Variants in CHRM2 observed in about 807,000 individuals in gnomAD.
The protein encoded by CHRM2 is muscarinic acetylcholine receptor M2.
In CHRM2, 8 loss-of-function variants were observed where a neutral mutation model predicts 25.0. The observed-to-expected ratio is 0.32, with a 90% confidence interval of 0.19 to 0.58. The LOEUF (loss-of-function observed/expected upper bound fraction) is 0.58, where lower values mean the gene tolerates loss of function less well. Among genes scored for constraint, CHRM2 ranks in the 20% least tolerant of loss-of-function variants. CHRM2 has a pLI of 0.88. For synonymous variants in CHRM2, 202 were observed against 205.7 expected, an observed-to-expected ratio of 0.98 and a Z score of 0.15; for missense variants, 440 against 567.1, an observed-to-expected ratio of 0.78 and a Z score of 2.28.
At chr7:136,967,122 A>C (rs993684305) in intron 2 of CHRM2, among the ~76,000 whole-genome samples, 1 of 152,024 alleles carries the variant, frequency 6.6e-6, no homozygotes, top group African/African-American at 2.4e-5. Context: ...TGGATCTTGT[A>C]CATTTTGATT....
chr7:136,950,902 G>C (rs527482434), intron 2 of CHRM2: 121 of 152,426 alleles, frequency 7.9e-4, no homozygotes, highest in African/African-American at 2.8e-3. Flanking sequence ...TGCAGCCTGG[G>C]CTCAAGTGAT....
chr7:136,917,082 G>C (rs1798160858), intron 2 of CHRM2, among the ~76,000 whole-genome samples: 1 of 151,168 alleles, frequency 6.6e-6, no homozygotes, highest in Non-Finnish European at 1.5e-5. Context: ...TTGCAAATAA[G>C]CGTGTTATGA....
At chr7:137,011,869 T>C (rs1804850433) in intron 3 of CHRM2, among the ~76,000 whole-genome samples, 1 of 151,978 alleles carries the variant, frequency 6.6e-6, no homozygotes, top group African/African-American at 2.4e-5. Flanking sequence ...CAACCCCTTT[T>C]CCAGAATTCA....
intron 3 of CHRM2, among the ~76,000 whole-genome samples, chr7:136,996,641 T>C (rs573510404): frequency 1.3e-5 from 2 of 152,268 alleles, no homozygotes; most frequent in East Asian, 1.9e-4. Context: ...TATTATATGC[T>C]AGAGTAAAAA....
chr7:136,949,692 C>G (rs928908884), intron 2 of CHRM2, among the ~76,000 whole-genome samples: 2 of 151,584 alleles, frequency 1.3e-5, no homozygotes, highest in African/African-American at 2.4e-5. Flanking sequence ...ATTTATATTT[C>G]TTTATCTTGA....
At chr7:136,943,201 A>G (rs770057318) in intron 2 of CHRM2, among the ~76,000 whole-genome samples, 2 of 152,136 alleles carry the variant, frequency 1.3e-5, no homozygotes, top group African/African-American at 2.4e-5. Context: ...GTGACATCCA[A>G]TCATTAGAGA....
At chr7:136,888,663 ATT>A (rs1796567432) in intron 2 of CHRM2, among the ~76,000 whole-genome samples, 1 of 152,032 alleles carries the variant, frequency 6.6e-6, no homozygotes, top group African/African-American at 2.4e-5. Flanking sequence ...AGGATGATCT[ATT>A]TTATGTCTTT....
chr7:136,876,445 A>G (rs2130478719), intron 2 of CHRM2, among the ~76,000 whole-genome samples: 1 of 152,266 alleles, frequency 6.6e-6, no homozygotes, highest in South Asian at 2.1e-4. Context: ...AAATAACACA[A>G]TTAAGTGGAA....
At chr7:136,970,874 T>C (rs540114318) in intron 2 of CHRM2, among the ~76,000 whole-genome samples, 3 of 152,262 alleles carry the variant, frequency 2.0e-5, no homozygotes, top group Non-Finnish European at 4.4e-5. Flanking sequence ...AAATCTAAGA[T>C]CACCATTTTT....
chr7:136,921,794 C>CTTTT (rs398006503), intron 2 of CHRM2, among the ~76,000 whole-genome samples: 8,144 of 116,368 alleles, frequency 0.07, 1,524 homozygotes, highest in Non-Finnish European at 0.088. Flanking sequence ...TTCTTTCTTT[C>CTTTT]TTTTTTTTGA....
At chr7:136,909,622 G>A (rs1275541097) in intron 2 of CHRM2, among the ~76,000 whole-genome samples, 4 of 151,836 alleles carry the variant, frequency 2.6e-5, no homozygotes, top group African/African-American at 9.7e-5. Context: ...CCAAGAAGAC[G>A]TGCTGTATGT....
chr7:136,996,876 G>A (rs1466529438), intron 3 of CHRM2, among the ~76,000 whole-genome samples: 1 of 152,184 alleles, frequency 6.6e-6, no homozygotes, highest in Non-Finnish European at 1.5e-5. Flanking sequence ...AACATGTTTT[G>A]CTGGCTTCTC....
chr7:136,924,284 C>A (rs1320571283), intron 2 of CHRM2, among the ~76,000 whole-genome samples: 2 of 151,652 alleles, frequency 1.3e-5, no homozygotes, highest in Non-Finnish European at 2.9e-5. Context: ...CATATGTATA[C>A]ATGTGCCATG....
At chr7:136,984,951 A>G (rs542378892) in intron 2 of CHRM2, among the ~76,000 whole-genome samples, 4 of 152,308 alleles carry the variant, frequency 2.6e-5, no homozygotes, top group African/African-American at 9.6e-5. Context: ...ATGGCACAAC[A>G]AATGAAGAAT....
chr7:137,013,793 G>A (rs891832461), intron 3 of CHRM2, among the ~76,000 whole-genome samples: 1 of 151,994 alleles, frequency 6.6e-6, no homozygotes, highest in Non-Finnish European at 1.5e-5. Context: ...CCACCAGGCA[G>A]AGACCTTGTT....
chr7:136,923,963 T>A (rs1584763769), intron 2 of CHRM2, among the ~76,000 whole-genome samples: 1 of 152,166 alleles, frequency 6.6e-6, no homozygotes, highest in South Asian at 2.1e-4. Context: ...CAATGACCTA[T>A]GATCATGCCA....
intron 2 of CHRM2, among the ~76,000 whole-genome samples, chr7:136,943,880 T>G (rs1799913166): frequency 6.6e-6 from 1 of 152,112 alleles, no homozygotes; most frequent in Admixed American, 6.6e-5. Flanking sequence ...AATAGACTTC[T>G]TTCAGAGAGT....
Position 137,016,870 on chromosome 7 carries a change from C to G in CHRM2, c.*604C>G, listed in dbSNP as rs964535867. On this transcript the variant is annotated 3_prime_UTR_variant, in exon 4 of 4. Transcript: ENST00000680005. ...TCTTTTTCCCACCATGAAGAGAAAG[C>G]AAACAAACAGAAACCCCAACTAGGT... is the stretch of plus-strand genomic sequence containing the variant. The G allele has an allele frequency of 6.0e-6, 1 of 167,206 alleles. No individual in the cohort carries two copies. Among genetic ancestry groups the G allele is most frequent in the African/African-American group, 2.4e-5 (1 of 41,410 alleles). The allele number at this position is 167,206 out of a possible 1,614,324, so 10.4% of individuals were successfully genotyped here. A position where few individuals can be genotyped will look rare whatever the true frequency, so the allele number is the denominator to read the frequency against.
intron 2 of CHRM2, among the ~76,000 whole-genome samples, chr7:136,887,727 C>T (rs555349294): frequency 6.6e-6 from 1 of 152,276 alleles, no homozygotes; most frequent in East Asian, 1.9e-4. Flanking sequence ...AGCGTTCTCT[C>T]AGAAAAGGAG....
Sources: gnomAD v4.1 joint callset for allele counts (sites outside exome capture counted in the v4.1 genomes callset) on GRCh38, gnomAD v4.1.1 for gene constraint, MANE v1.5 for transcripts, NCBI Gene and HGNC (gene_info 2026-07-23, HGNC 2026-07-21) for gene names.